Variants in TUSC3 observed in about 807,000 individuals in gnomAD.
TUSC3 encodes the protein tumor suppressor candidate 3.
A neutral mutation model predicts 44.8 loss-of-function variants in TUSC3; 45 were observed. The observed-to-expected ratio is 1.00, with a 90% CI of 0.79 to 1.29. The LOEUF (loss-of-function observed/expected upper bound fraction) is 1.29. Among genes scored for constraint, TUSC3 ranks in the 50% most tolerant of loss-of-function variants. The pLI is 0.00. For synonymous variants in TUSC3, 212 were observed against 152.9 expected, an observed-to-expected ratio of 1.39 and a Z score of -2.85; for missense variants, 519 against 437.9, an observed-to-expected ratio of 1.19 and a Z score of -1.65.
chr8:15,551,930 C>G (rs1802075117), intron 1 of TUSC3, among the ~76,000 whole-genome samples: 1 of 151,646 alleles, frequency 6.6e-6, no homozygotes, highest in Admixed American at 6.6e-5. Flanking sequence ...CATCATGACA[C>G]AGTAAATAGA....
chr8:15,573,907 A>C (rs1802989312), intron 1 of TUSC3, among the ~76,000 whole-genome samples: 1 of 152,052 alleles, frequency 6.6e-6, no homozygotes, highest in Non-Finnish European at 1.5e-5. Flanking sequence ...GGGTGATAGG[A>C]GGGGGAGAGA....
chr8:15,432,570 C>G (rs1799885081), intron 1 of TUSC3, among the ~76,000 whole-genome samples: 1 of 152,032 alleles, frequency 6.6e-6, no homozygotes, highest in African/African-American at 2.4e-5. Context: ...ATAATTTTTT[C>G]TTGATAATGA....
At chr8:15,573,632 G>A (rs78127076) in intron 1 of TUSC3, among the ~76,000 whole-genome samples, 2 of 152,128 alleles carry the variant, frequency 1.3e-5, no homozygotes, top group East Asian at 3.9e-4. Flanking sequence ...AGCTGAGGAA[G>A]TTGTTTATGA....
At chr8:15,801,639 A>C in the TUSC3 span, among the ~76,000 whole-genome samples, 22 of 152,262 alleles carry the variant, frequency 1.4e-4, no homozygotes, top group African/African-American at 5.3e-4. Context: ...CTTGATCAAA[A>C]ACCCAGAGAA....
intron 3 of TUSC3, among the ~76,000 whole-genome samples, chr8:15,655,919 TGTG>T (rs1243277750): frequency 6.6e-6 from 1 of 152,160 alleles, no homozygotes; most frequent in Non-Finnish European, 1.5e-5. Context: ...AATTAAAAGT[TGTG>T]GTAAAGGAAT....
At chr8:15,816,183 G>A in the TUSC3 span, among the ~76,000 whole-genome samples, 2 of 152,102 alleles carry the variant, frequency 1.3e-5, no homozygotes, top group African/African-American at 2.4e-5. Flanking sequence ...CTCTGTCTTT[G>A]GCTGTCTTTA....
intron 1 of TUSC3, among the ~76,000 whole-genome samples, chr8:15,551,215 A>G (rs1316175377): frequency 6.6e-6 from 1 of 151,676 alleles, no homozygotes; most frequent in Non-Finnish European, 1.5e-5. Flanking sequence ...TTTTTCTGGC[A>G]TATCTTTAAT....
chr8:15,761,452 CCT>C (rs1469305352), intron 10 of TUSC3, among the ~76,000 whole-genome samples: 1 of 152,180 alleles, frequency 6.6e-6, no homozygotes, highest in Non-Finnish European at 1.5e-5. Context: ...TTGTGCTAGT[CCT>C]AGCCTTCTAT....
intron 2 of TUSC3, among the ~76,000 whole-genome samples, chr8:15,640,201 A>G (rs574118681): frequency 4.6e-5 from 7 of 152,318 alleles, no homozygotes; most frequent in African/African-American, 7.2e-5. Flanking sequence ...TACATGACCA[A>G]CCTTCTTGGG....
intron 6 of TUSC3, among the ~76,000 whole-genome samples, chr8:15,705,932 A>C (rs1232783712): frequency 6.6e-6 from 1 of 151,976 alleles, no homozygotes; most frequent in Non-Finnish European, 1.5e-5. Context: ...AGAGGCATCC[A>C]TTTTACATAC....
intron 2 of TUSC3, among the ~76,000 whole-genome samples, chr8:15,518,608 C>A (rs1801253486): frequency 6.6e-6 from 1 of 151,698 alleles, no homozygotes; most frequent in Admixed American, 6.6e-5. Flanking sequence ...TCCTTTTTTT[C>A]CATAGGATTA....
intron 4 of TUSC3, 134 bp downstream of exon 4, chr8:15,659,781 T>A: frequency 1.8e-6 from 2 of 1,140,354 alleles, no homozygotes; most frequent in African/African-American, 1.5e-5. Flanking sequence ...ACTGTTCGAT[T>A]ACTGCAAATG....
chr8:15,458,302 G>A (rs1800289207), intron 1 of TUSC3, among the ~76,000 whole-genome samples: 1 of 152,072 alleles, frequency 6.6e-6, no homozygotes, highest in Non-Finnish European at 1.5e-5. Context: ...ACAGTGACGT[G>A]CTCACAGCTC....
intron 9 of TUSC3, among the ~76,000 whole-genome samples, chr8:15,750,920 G>A (rs1811670606): frequency 6.6e-6 from 1 of 151,394 alleles, no homozygotes; most frequent in Non-Finnish European, 1.5e-5. Context: ...ATTTGACATA[G>A]TTTAGATGAA....
chr8:15,826,213 T>A, the TUSC3 span, among the ~76,000 whole-genome samples: 1 of 152,156 alleles, frequency 6.6e-6, no homozygotes, highest in African/African-American at 2.4e-5. Flanking sequence ...GGAGATGGCA[T>A]ATTTGGCTGC....
At chr8:15,737,588 CAAAAACTA>C (rs1047880245) in intron 7 of TUSC3, among the ~76,000 whole-genome samples, 8 of 152,006 alleles carry the variant, frequency 5.3e-5, no homozygotes, top group African/African-American at 1.9e-4. Context: ...CAAAGTAATA[CAAAAACTA>C]GGCCAAAGTA....
At chr8:15,479,195 A>T (rs1800624979) in intron 1 of TUSC3, among the ~76,000 whole-genome samples, 1 of 152,044 alleles carries the variant, frequency 6.6e-6, no homozygotes, top group Non-Finnish European at 1.5e-5. Context: ...CCTTTGTCAG[A>T]TGGGTAGATT....
chr8:15,631,680 G>A (rs1034969686), intron 2 of TUSC3, among the ~76,000 whole-genome samples: 4 of 150,906 alleles, frequency 2.7e-5, no homozygotes, highest in African/African-American at 9.8e-5. Flanking sequence ...GTGTGTGTGT[G>A]TGTGTGTGTG....
At chr8:15,478,917 A>G (rs552718352) in intron 1 of TUSC3, among the ~76,000 whole-genome samples, 3 of 152,196 alleles carry the variant, frequency 2.0e-5, no homozygotes, top group South Asian at 4.2e-4. Flanking sequence ...AAGCATTCCT[A>G]TTTCTCCACA....
Sources: gnomAD v4.1 joint callset for allele counts (sites outside exome capture counted in the v4.1 genomes callset) on GRCh38, gnomAD v4.1.1 for gene constraint, MANE v1.5 for transcripts, NCBI Gene and HGNC (gene_info 2026-07-23, HGNC 2026-07-21) for gene names.